CLDN14: variants seen among roughly 807,000 people sequenced by gnomAD.
CLDN14 encodes claudin 14, also known as claudin-14.
In CLDN14, 2 loss-of-function variants were observed where a neutral mutation model predicts 2.1. The observed-to-expected ratio is 0.96, with a 90% CI of 0.39 to 3.01. The LOEUF (loss-of-function observed/expected upper bound fraction) is 3.01, where lower values mean the gene tolerates loss of function less well. Among genes scored for constraint, CLDN14 ranks in the 30% most tolerant of loss-of-function variants. The probability of loss-of-function intolerance (pLI) is 0.09; values close to 1 mark genes in which losing one functional copy is unlikely to be tolerated. For missense variants in CLDN14, 298 were observed against 328.0 expected (o/e 0.91, Z 0.71); for synonymous variants, 136 against 154.4 (o/e 0.88, Z 0.88).
intron 1 of CLDN14, among the ~76,000 whole-genome samples, chr21:36,516,504 A>G (rs896922993): frequency 6.6e-6 from 1 of 152,238 alleles, no homozygotes. Flanking sequence ...TGACACAGCC[A>G]TCTGGAACTT....
chr21:36,482,420 G>GGATGGATGGATGGATGGATGGATGGATA (rs2086857392), upstream of CLDN14, among the ~76,000 whole-genome samples: 1 of 142,712 alleles, frequency 7.0e-6, no homozygotes, highest in Non-Finnish European at 1.5e-5. Flanking sequence ...ACGGATGGAT[G>GGATGGATGGATGGATGGATGGATGGATA]GATGGATGGA....
At chr21:36,548,022 C>T (rs1479663099) in intron 1 of CLDN14, among the ~76,000 whole-genome samples, 1 of 152,136 alleles carries the variant, frequency 6.6e-6, no homozygotes, top group African/African-American at 2.4e-5. Flanking sequence ...TCTTTCTCCT[C>T]GCGTCCTCTG....
intron 1 of CLDN14, among the ~76,000 whole-genome samples, chr21:36,550,307 G>A (rs1011409268): frequency 3.9e-5 from 6 of 152,120 alleles, no homozygotes; most frequent in Non-Finnish European, 7.3e-5. Context: ...GACATGCAGC[G>A]GGTCTTGGGA....
intron 2 of CLDN14, among the ~76,000 whole-genome samples, chr21:36,490,067 T>A (rs1291346686): frequency 6.6e-6 from 1 of 152,210 alleles, no homozygotes; most frequent in African/African-American, 2.4e-5. Context: ...GCGGCCTCGC[T>A]GGAAGCATCT....
chr21:36,471,259 T>G (rs2086707472), intron 1 of CLDN14, among the ~76,000 whole-genome samples: 1 of 152,130 alleles, frequency 6.6e-6, no homozygotes, highest in Non-Finnish European at 1.5e-5. Context: ...GCTTCATGTC[T>G]CAAAGTGTGG....
At position 36,553,329 on chromosome 21, in the gene CLDN14, G is replaced by A. The variant is rs141520425; in HGVS notation, c.-220+23082C>T. Among the ~76,000 whole-genome samples the A allele has an allele frequency of 5.3e-5, 8 of 152,298 alleles. No individual in the cohort carries two copies. In the South Asian group the frequency reaches 1.0e-3, roughly 20 times the overall value. The stretch of plus-strand genomic sequence containing the variant: ...AGGGGAAGGTGGATTTGGGAAGGGG[G>A]TAGATTTCAACACAGGAGGGGGCCA... On this transcript the variant is annotated intron_variant, in intron 1 of 2. Coordinates refer to the CLDN14 transcript ENST00000342108.
chr21:36,538,869 A>G (rs2087454634), intron 1 of CLDN14, among the ~76,000 whole-genome samples: 1 of 152,192 alleles, frequency 6.6e-6, no homozygotes, highest in African/African-American at 2.4e-5. Context: ...GGCAGACATA[A>G]CGGCATAGGG....
At chr21:36,564,083 G>T (rs376469953) in intron 1 of CLDN14, among the ~76,000 whole-genome samples, 2 of 152,200 alleles carry the variant, frequency 1.3e-5, no homozygotes, top group Non-Finnish European at 2.9e-5. Flanking sequence ...GAGAAATGCC[G>T]AAGATGAGGC....
chr21:36,497,642 G>A (rs1026702307), intron 2 of CLDN14, among the ~76,000 whole-genome samples: 4 of 152,216 alleles, frequency 2.6e-5, no homozygotes, highest in Non-Finnish European at 5.9e-5. Context: ...AGCCCGGAAA[G>A]CCGGAACGAA....
intron 1 of CLDN14, among the ~76,000 whole-genome samples, chr21:36,467,263 T>C (rs955639714): frequency 2.6e-5 from 4 of 152,302 alleles, no homozygotes; most frequent in Admixed American, 2.6e-4. Context: ...GCTCACCTCC[T>C]GGCCCACCTG....
rs58458004 is a variant in CLDN14, at chr21:36,501,332, CTTTTTTTTTTTTTTTTTT to C, written c.-82+9013_-82+9030del. ...AATGGGAGTTTCAGTCAATATCTCA[CTTTTTTTTTTTTTTTTTT>C]TTTTTTTTTTTTTTTTTTAGAAAAG... On this transcript the variant is annotated intron_variant, in intron 2 of 2. Coordinates refer to the CLDN14 transcript ENST00000342108. Among the ~76,000 whole-genome samples the C allele has an allele frequency of 1.0e-3, 50 of 48,446 alleles. No homozygotes were observed. In the East Asian group the frequency reaches 0.015, roughly 15 times the overall value. 31.8% of individuals were successfully genotyped at this position (48,446 alleles called of 152,430 possible). A position where few individuals can be genotyped will look rare whatever the true frequency, so the allele number is the denominator to read the frequency against.
At chr21:36,572,754 G>A (rs2087718215) in intron 1 of CLDN14, among the ~76,000 whole-genome samples, 1 of 152,108 alleles carries the variant, frequency 6.6e-6, no homozygotes, top group African/African-American at 2.4e-5. Context: ...TTAACTTTGG[G>A]ACCTGACATG....
chr21:36,483,614 G>A (rs547366710), upstream of CLDN14, among the ~76,000 whole-genome samples: 25 of 152,346 alleles, frequency 1.6e-4, no homozygotes, highest in Middle Eastern at 6.8e-3. Context: ...GGTCAGCCTC[G>A]GAAAAGGATC....
chr21:36,464,712 A>G (rs554002654), intron 1 of CLDN14, among the ~76,000 whole-genome samples: 1 of 152,346 alleles, frequency 6.6e-6, no homozygotes, highest in Non-Finnish European at 1.5e-5. Flanking sequence ...GAGCCTGAGC[A>G]TGGTTTGAAC....
chr21:36,495,703 G>A (rs1240050666), intron 2 of CLDN14, among the ~76,000 whole-genome samples: 2 of 152,252 alleles, frequency 1.3e-5, no homozygotes, highest in African/African-American at 4.8e-5. Flanking sequence ...CCCATGCACT[G>A]AGTTAGAGAG....
chr21:36,555,268 C>T (rs1423473566), intron 1 of CLDN14, among the ~76,000 whole-genome samples: 1 of 148,688 alleles, frequency 6.7e-6, no homozygotes, highest in South Asian at 2.2e-4. Flanking sequence ...AGGCTAAAAC[C>T]GCCTTGGTTT....
intron 1 of CLDN14, among the ~76,000 whole-genome samples, chr21:36,464,971 C>A (rs2086626832): frequency 6.6e-6 from 1 of 152,216 alleles, no homozygotes; most frequent in Non-Finnish European, 1.5e-5. Flanking sequence ...GATCTCAGAA[C>A]AATGGCCTTG....
At chr21:36,543,949 T>G (rs950638263) in intron 1 of CLDN14, among the ~76,000 whole-genome samples, 32 of 152,248 alleles carry the variant, frequency 2.1e-4, no homozygotes, top group Non-Finnish European at 4.1e-4. Context: ...TGATAGGGAC[T>G]GTTTACTTAG....
At chr21:36,554,290 A>G (rs181396997) in intron 1 of CLDN14, among the ~76,000 whole-genome samples, 273 of 152,298 alleles carry the variant, frequency 1.8e-3, no homozygotes, top group African/African-American at 6.0e-3. Flanking sequence ...GCTCCTGCTC[A>G]TTCATTCCTT....
Sources: allele counts gnomAD v4.1 joint callset (sites outside exome capture counted in the v4.1 genomes callset), GRCh38; gene constraint gnomAD v4.1.1; transcripts MANE v1.5; gene names NCBI Gene and HGNC (gene_info 2026-07-23, HGNC 2026-07-21).